SLC14A2: variants seen among roughly 807,000 people sequenced by gnomAD.
SLC14A2 encodes urea transporter 2.
A neutral mutation model predicts 104.6 loss-of-function variants in SLC14A2; 91 were observed. The ratio of observed to expected loss-of-function variants is 0.87; its 90% CI spans 0.73 to 1.04. The LOEUF (loss-of-function observed/expected upper bound fraction) is 1.04, where lower values mean the gene tolerates loss of function less well. Ranked by LOEUF, SLC14A2 falls within the 50% of genes least tolerant of loss-of-function variation. The pLI, the probability that SLC14A2 is intolerant of heterozygous loss-of-function variation, is 0.00. For synonymous variants in SLC14A2, 476 were observed against 466.4 expected, an observed-to-expected ratio of 1.02 and a Z score of -0.27; for missense variants, 1,189 against 1,156.0, an observed-to-expected ratio of 1.03 and a Z score of -0.41.
At chr18:45,496,226 T>C (rs1435582724) in intron 2 of SLC14A2, among the ~76,000 whole-genome samples, 6 of 152,348 alleles carry the variant, frequency 3.9e-5, no homozygotes, top group Non-Finnish European at 8.8e-5. Context: ...ATCTTTATTA[T>C]ACAAAAGAGT....
chr18:45,324,811 G>A (rs1032145032), intron 1 of SLC14A2, among the ~76,000 whole-genome samples: 3 of 151,778 alleles, frequency 2.0e-5, no homozygotes, highest in Admixed American at 6.6e-5. Context: ...GCAAAGTAAA[G>A]TATGACCTTT....
intron 2 of SLC14A2, among the ~76,000 whole-genome samples, chr18:45,549,018 A>C (rs1028393192): frequency 7.2e-5 from 11 of 152,228 alleles, no homozygotes; most frequent in African/African-American, 2.7e-4. Flanking sequence ...ATTTAGGATT[A>C]GTCTCACAAT....
intron 1 of SLC14A2, among the ~76,000 whole-genome samples, chr18:45,444,215 A>G (rs1333405153): frequency 6.6e-6 from 1 of 152,182 alleles, no homozygotes; most frequent in Admixed American, 6.5e-5. Flanking sequence ...GCAATCCTAG[A>G]GATAAGACAA....
intron 11 of SLC14A2, among the ~76,000 whole-genome samples, chr18:45,665,449 C>A (rs1346989639): frequency 6.6e-6 from 1 of 152,130 alleles, no homozygotes; most frequent in Non-Finnish European, 1.5e-5. Flanking sequence ...TCTACAATTA[C>A]AAAGGCTTGC....
At chr18:45,519,012 G>A (rs1189463775) in intron 2 of SLC14A2, among the ~76,000 whole-genome samples, 2 of 152,122 alleles carry the variant, frequency 1.3e-5, no homozygotes, top group African/African-American at 2.4e-5. Context: ...GGCCTGTTTG[G>A]GGAATCAATT....
chr18:45,282,591 G>A (rs955251974), intron 1 of SLC14A2, among the ~76,000 whole-genome samples: 1 of 152,126 alleles, frequency 6.6e-6, no homozygotes, highest in African/African-American at 2.4e-5. Context: ...GACGGTAGAG[G>A]GCAATGCTGG....
intron 2 of SLC14A2, among the ~76,000 whole-genome samples, chr18:45,540,385 C>T (rs1446277442): frequency 9.2e-5 from 14 of 152,292 alleles, no homozygotes; most frequent in Non-Finnish European, 1.9e-4. Flanking sequence ...TCCAAATTCA[C>T]CCTGTTGTGG....
chr18:45,239,827 A>ATTT (rs2084293089), intron 1 of SLC14A2, among the ~76,000 whole-genome samples: 1 of 152,214 alleles, frequency 6.6e-6, no homozygotes, highest in Non-Finnish European at 1.5e-5. Context: ...TTACCCTGCC[A>ATTT]GGTACTAACC....
At chr18:45,548,202 C>G (rs191605076) in intron 2 of SLC14A2, among the ~76,000 whole-genome samples, 1 of 152,264 alleles carries the variant, frequency 6.6e-6, no homozygotes, top group African/African-American at 2.4e-5. Context: ...AGCAGGCCTG[C>G]CCTGTGATGT....
At chr18:45,469,070 G>C (rs982607407) in intron 1 of SLC14A2, among the ~76,000 whole-genome samples, 1 of 152,188 alleles carries the variant, frequency 6.6e-6, no homozygotes, top group East Asian at 1.9e-4. Flanking sequence ...CCCCTCTGTT[G>C]CCCTTGAAGC....
chr18:45,299,446 G>T (rs987725313), intron 1 of SLC14A2, among the ~76,000 whole-genome samples: 1 of 152,086 alleles, frequency 6.6e-6, no homozygotes, highest in South Asian at 2.1e-4. Flanking sequence ...CCTCTTTATC[G>T]GTTTTGTTTT....
chr18:45,310,410 C>T (rs1386550537), intron 1 of SLC14A2, among the ~76,000 whole-genome samples: 1 of 152,184 alleles, frequency 6.6e-6, no homozygotes, highest in Non-Finnish European at 1.5e-5. Flanking sequence ...AAACAGGCAT[C>T]ATTATTGCTA....
At chr18:45,491,149 GT>G (rs1462757565) in intron 2 of SLC14A2, among the ~76,000 whole-genome samples, 1 of 152,182 alleles carries the variant, frequency 6.6e-6, no homozygotes, top group East Asian at 1.9e-4. Flanking sequence ...AATAGGACAG[GT>G]AAGAGGATGT....
the SLC14A2 span, among the ~76,000 whole-genome samples, chr18:45,192,103 C>G: frequency 1.3e-5 from 2 of 152,152 alleles, no homozygotes; most frequent in Non-Finnish European, 2.9e-5. Context: ...CATTGAACCC[C>G]TCTTCCCTGC....
intron 2 of SLC14A2, among the ~76,000 whole-genome samples, chr18:45,555,339 A>G (rs1232702446): frequency 1.3e-5 from 2 of 152,158 alleles, no homozygotes; most frequent in African/African-American, 2.4e-5. Flanking sequence ...TTGACTTATG[A>G]TTTTTCAACT....
intron 1 of SLC14A2, among the ~76,000 whole-genome samples, chr18:45,331,900 CTCT>C (rs2085294765): frequency 6.6e-6 from 1 of 152,100 alleles, no homozygotes; most frequent in Non-Finnish European, 1.5e-5. Flanking sequence ...ATGAAGTGAC[CTCT>C]TCTTGTCATT....
rs145740370 is a variant in SLC14A2 at position 45,514,204 on chromosome 18, G to A, written c.-35+30882G>A. ...TAATCAGCTCATGGTTCTGCAGGCCGTACAGGCTTCTGCTTCTGGGGAGGC... is the reference window on the plus strand; with the variant it reads ...TAATCAGCTCATGGTTCTGCAGGCCATACAGGCTTCTGCTTCTGGGGAGGC... On this transcript the variant is annotated intron_variant, in intron 2 of 20. Coordinates refer to the SLC14A2 transcript ENST00000586448. Among the ~76,000 whole-genome samples, 174 of 152,290 alleles carry A rather than the reference G, an allele frequency of 1.1e-3. 1 individual carries two copies. Among genetic ancestry groups the A allele is most frequent in the African/African-American group, 3.6e-3 (149 of 41,552 alleles).
intron 14 of SLC14A2, 98 bp from the exon 15 acceptor site, chr18:45,668,251 T>C: frequency 6.6e-7 from 1 of 1,506,014 alleles, no homozygotes; most frequent in East Asian, 2.3e-5. Flanking sequence ...TGAAGGCGTG[T>C]GTAGTCAGGC....
the SLC14A2 span, among the ~76,000 whole-genome samples, chr18:45,175,632 GA>G: frequency 2.7e-5 from 4 of 150,744 alleles, no homozygotes; most frequent in East Asian, 1.9e-4. Flanking sequence ...GTGACAGGCA[GA>G]AAAAAAAATA....
Sources: gnomAD v4.1 joint callset for allele counts (sites outside exome capture counted in the v4.1 genomes callset) on GRCh38, gnomAD v4.1.1 for gene constraint, MANE v1.5 for transcripts, NCBI Gene and HGNC (gene_info 2026-07-23, HGNC 2026-07-21) for gene names.